Variants in BLTP3A observed in about 807,000 individuals in gnomAD.
BLTP3A encodes ICBP90 binding protein 1.
chr6:34,868,730 A>G, the BLTP3A span, among the ~76,000 whole-genome samples: 1 of 151,390 alleles, frequency 6.6e-6, no homozygotes, highest in Non-Finnish European at 1.5e-5. Context: ...TTTAAAAAAA[A>G]AAAAAAAAAA....
chr6:34,806,356 C>G, the BLTP3A span, among the ~76,000 whole-genome samples: 1 of 152,150 alleles, frequency 6.6e-6, no homozygotes, highest in African/African-American at 2.4e-5. Flanking sequence ...CCCATTAACC[C>G]TAGCCAGTTG....
the BLTP3A span, among the ~76,000 whole-genome samples, chr6:34,868,722 TAAAAAAA>T: frequency 1.5e-5 from 2 of 133,398 alleles, no homozygotes; most frequent in African/African-American, 2.8e-5. Context: ...AGACTCTGTT[TAAAAAAA>T]AAAAAAAAAA....
At chr6:34,792,941 G>A in the BLTP3A span, among the ~76,000 whole-genome samples, 2 of 152,274 alleles carry the variant, frequency 1.3e-5, no homozygotes, top group Admixed American at 6.5e-5. Context: ...ACCCAGGGCC[G>A]TTCCTCTGGA....
At chr6:34,871,675 G>A in the BLTP3A span, 3 of 1,614,234 alleles carry the variant, frequency 1.9e-6, no homozygotes, top group Non-Finnish European at 1.7e-6. Context: ...AGTGATGATG[G>A]TGTGTTCCAC....
the BLTP3A span, among the ~76,000 whole-genome samples, chr6:34,845,760 C>T: frequency 0.14 from 21,443 of 151,890 alleles, 1,794 homozygotes; most frequent in African/African-American, 0.23. Flanking sequence ...CCACGCCTGG[C>T]TAATTTTTTG....
chr6:34,872,012 A>C, the BLTP3A span: 1 of 1,330,910 alleles, frequency 7.5e-7, no homozygotes, highest in Non-Finnish European at 1.0e-6. Context: ...GGGGGCAAAA[A>C]GGTTGCGTGT....
chr6:34,871,519 C>T, the BLTP3A span: 2 of 1,485,430 alleles, frequency 1.3e-6, no homozygotes, highest in Non-Finnish European at 9.4e-7. Context: ...ATGATGGGAG[C>T]ATGGGTTGTG....
the BLTP3A span, among the ~76,000 whole-genome samples, chr6:34,828,933 A>G: frequency 6.8e-6 from 1 of 146,650 alleles, no homozygotes; most frequent in Non-Finnish European, 1.5e-5. Context: ...AGGCTGAGGC[A>G]GGAGAATTGC....
At chr6:34,810,728 C>G in the BLTP3A span, among the ~76,000 whole-genome samples, 356 of 152,294 alleles carry the variant, frequency 2.3e-3, 1 homozygote, top group Admixed American at 6.0e-3. Context: ...CTCGACCTCT[C>G]AAAGTGCTGT....
At chr6:34,857,579 G>A in the BLTP3A span, 2 of 1,504,860 alleles carry the variant, frequency 1.3e-6, no homozygotes, top group South Asian at 2.6e-5. Context: ...TTCAGTGTTT[G>A]AGTTAATTTA....
chr6:34,797,523 C>T, the BLTP3A span, among the ~76,000 whole-genome samples: 1 of 152,164 alleles, frequency 6.6e-6, no homozygotes, highest in Non-Finnish European at 1.5e-5. Context: ...GTTACTTTTC[C>T]AAGGTCACTT....
At chr6:34,867,406 A>G in the BLTP3A span, 2 of 1,613,704 alleles carry the variant, frequency 1.2e-6, no homozygotes, top group Non-Finnish European at 1.7e-6. Context: ...TCTTCTCTGC[A>G]GAGGGTAGGC....
the BLTP3A span, among the ~76,000 whole-genome samples, chr6:34,851,155 T>C: frequency 6.6e-6 from 1 of 152,160 alleles, no homozygotes; most frequent in African/African-American, 2.4e-5. Context: ...CCTTATTTAG[T>C]TCATTTGGTG....
At chr6:34,817,188 G>A in the BLTP3A span, among the ~76,000 whole-genome samples, 3 of 151,914 alleles carry the variant, frequency 2.0e-5, no homozygotes, top group East Asian at 1.9e-4. Context: ...TTTCTCCTTC[G>A]TACCTCAGTC....
At chr6:34,821,448 T>TAAAAAAAGAA in the BLTP3A span, 1 of 533,456 alleles carries the variant, frequency 1.9e-6, no homozygotes, top group South Asian at 2.5e-5. Flanking sequence ...TTGTTCTGGC[T>TAAAAAAAGAA]GGTCTGAGTG....
the BLTP3A span, among the ~76,000 whole-genome samples, chr6:34,866,375 T>A: frequency 2.0e-5 from 3 of 150,906 alleles, no homozygotes; most frequent in Non-Finnish European, 4.4e-5. Context: ...TGCACTCCCC[T>A]GGGCGACAGA....
the BLTP3A span, chr6:34,857,894 C>T: frequency 8.7e-6 from 14 of 1,613,506 alleles, no homozygotes; most frequent in Middle Eastern, 1.6e-4. Context: ...CTTGGACATC[C>T]GACTAGATGC....
chr6:34,794,751 C>T, the BLTP3A span, among the ~76,000 whole-genome samples: 1 of 151,664 alleles, frequency 6.6e-6, no homozygotes, highest in African/African-American at 2.4e-5. Context: ...CTGTAATACA[C>T]AGATATTCTG....
the BLTP3A span, among the ~76,000 whole-genome samples, chr6:34,850,883 A>G: frequency 2.0e-5 from 3 of 152,144 alleles, no homozygotes; most frequent in African/African-American, 4.8e-5. Flanking sequence ...TTTTTTGTAA[A>G]GACGGGGTCT....
Sources: gnomAD v4.1 joint callset for allele counts (sites outside exome capture counted in the v4.1 genomes callset) on GRCh38, gnomAD v4.1.1 for gene constraint, MANE v1.5 for transcripts, NCBI Gene and HGNC (gene_info 2026-07-23, HGNC 2026-07-21) for gene names.